Variants in EYS observed in about 807,000 individuals in gnomAD.
EYS encodes protein eyes shut homolog.
In EYS, 250 loss-of-function variants were observed where a neutral mutation model predicts 282.1. That is an observed-to-expected ratio of 0.89 (90% CI 0.80 to 0.98). The LOEUF (loss-of-function observed/expected upper bound fraction) is 0.98, where lower values mean the gene tolerates loss of function less well. EYS is among the 50% of genes least tolerant of loss of function. The pLI, the probability that EYS is intolerant of heterozygous loss-of-function variation, is 0.00. For missense variants in EYS, 4,016 were observed against 3,709.0 expected (o/e 1.08, Z -2.15); for synonymous variants, 1,355 against 1,282.9 (o/e 1.06, Z -1.20).
At chr6:64,287,324 A>T (rs1768536515) in intron 30 of EYS, among the ~76,000 whole-genome samples, 1 of 152,180 alleles carries the variant, frequency 6.6e-6, no homozygotes, top group Admixed American at 6.6e-5. Flanking sequence ...ATTTTCACAC[A>T]TATAAAGTTT....
chr6:64,890,045 G>GCCCA (rs1767230469), intron 18 of EYS, among the ~76,000 whole-genome samples: 1 of 140,468 alleles, frequency 7.1e-6, no homozygotes, highest in African/African-American at 2.9e-5. Context: ...GCCTATAAAT[G>GCCCA]CCCCCCCCCC....
intron 32 of EYS, among the ~76,000 whole-genome samples, chr6:64,070,335 A>G (rs1332695195): frequency 6.6e-6 from 1 of 152,176 alleles, no homozygotes; most frequent in Non-Finnish European, 1.5e-5. Context: ...CAGATATGAC[A>G]CATTTATTGT....
rs1340964743 is a variant in EYS at position 65,238,939 on chromosome 6, T to C, written c.2023+56924A>G. Among the ~76,000 whole-genome samples, 3 of 152,148 alleles carry C rather than the reference T, an allele frequency of 2.0e-5. No individual in the cohort carries two copies. The South Asian group carries it at 6.2e-4, about 32-fold the overall frequency. On this transcript the variant is annotated intron_variant, in intron 12 of 42. Transcript: ENST00000503581. The stretch of plus-strand genomic sequence containing the variant: ...AAAATTACAATCATATTAATATGCT[T>C]AAAAAAGTTATTGGAAGAATGATAG...
At chr6:63,859,615 C>T (rs1213810748) in intron 36 of EYS, among the ~76,000 whole-genome samples, 1 of 135,314 alleles carries the variant, frequency 7.4e-6, no homozygotes, top group East Asian at 2.1e-4. Flanking sequence ...ATTAAGAGAA[C>T]ATTCTAATAA....
chr6:64,307,176 G>T, intron 29 of EYS, 94 bp from the exon 30 acceptor site: 1 of 612,628 alleles, frequency 1.6e-6, no homozygotes, highest in South Asian at 2.1e-5. Flanking sequence ...GTATGCAACT[G>T]GATTTGGAGG....
At position 63,721,366 on chromosome 6, in the gene EYS, C is replaced by T. The variant is rs1390399761; in HGVS notation, c.8665G>A (p.Glu2889Lys). 6.4e-7 allele frequency: 1 copy of T among 1,551,858 alleles called. No individual in the cohort carries two copies. Among genetic ancestry groups the T allele is most frequent in the East Asian group, 2.4e-5 (1 of 40,920 alleles). ...CGYNTCRNGG[E>K]CTVNGTTFSC... ...AAAGTTGTGCCATTTACTGTACATT[C>T]ACCTCCATTTCTGCATGTGTTGTAC... Residue 2889 changes from glutamate (E) to lysine (K), a missense_variant, in exon 43 of 43, where the codon GAA becomes AAA. By Grantham distance (56) the Glu-to-Lys change is moderately conservative. Coordinates refer to ENST00000503581, the MANE Select transcript of EYS (RefSeq NM_001142800.2).
In EYS at chr6:65,687,628, G is replaced by C. The variant is rs548592717; in HGVS notation, c.-448+19507C>G. ...AATAAAGGGCATTCAATTAGGAAAA[G>C]AGGAAGTCAAATTGTCCCTGTTTGC... On this transcript the variant is annotated intron_variant, in intron 1 of 42. Transcript: ENST00000503581. Among the ~76,000 whole-genome samples, 48 of 152,278 alleles carry C rather than the reference G, an allele frequency of 3.2e-4. 1 individual carries two copies. In the South Asian group the frequency reaches 5.4e-3, roughly 17 times the overall value.
chr6:65,437,510 G>T (rs989862356), intron 5 of EYS, among the ~76,000 whole-genome samples: 6 of 152,048 alleles, frequency 3.9e-5, no homozygotes, highest in African/African-American at 1.4e-4. Context: ...AGAAAATAAA[G>T]ATACTAATTT....
chr6:65,620,354 A>T (rs992812478), intron 2 of EYS, among the ~76,000 whole-genome samples: 1 of 152,130 alleles, frequency 6.6e-6, no homozygotes, highest in Non-Finnish European at 1.5e-5. Context: ...AGGTGTTTGT[A>T]GTATTCTCTG....
At chr6:64,716,381 CATGCACCTCCTGAAAAAT>C (rs1313095350) in intron 22 of EYS, among the ~76,000 whole-genome samples, 1 of 152,214 alleles carries the variant, frequency 6.6e-6, no homozygotes, top group African/African-American at 2.4e-5. Flanking sequence ...AACATGTGTT[CATGCACCTCCTGAAAAAT>C]ATGTTGCATA....
intron 35 of EYS, among the ~76,000 whole-genome samples, chr6:63,883,161 A>T (rs1287345651): frequency 6.6e-6 from 1 of 152,190 alleles, no homozygotes; most frequent in East Asian, 1.9e-4. Flanking sequence ...TATGGAACCA[A>T]ATTTTGGAAG....
intron 26 of EYS, among the ~76,000 whole-genome samples, chr6:64,544,531 G>A (rs1764789372): frequency 6.6e-6 from 1 of 152,052 alleles, no homozygotes; most frequent in African/African-American, 2.4e-5. Flanking sequence ...GAGACATGGA[G>A]GACATGTAGT....
rs146623990 is a variant in EYS at position 65,693,003 on chromosome 6, A to G, written c.-448+14132T>C. Among the ~76,000 whole-genome samples, 208 of 150,138 alleles carry G rather than the reference A, an allele frequency of 1.4e-3. 9 individuals carry two copies. The highest frequency in any genetic ancestry group is 4.9e-3 in the African/African-American group (204 of 41,320). On this transcript the variant is annotated intron_variant, in intron 1 of 42. Coordinates refer to ENST00000503581, the MANE Select transcript of EYS (RefSeq NM_001142800.2). ...ATGCTCAGACATCTATTAAGCAAAT[A>G]AATAAATAAATACCATACACTTCAA...
rs111949042 is a variant in EYS at position 64,599,958 on chromosome 6, C to A, written c.3685-6649G>T. Among the ~76,000 whole-genome samples, 60 of 152,226 alleles carry A rather than the reference C, an allele frequency of 3.9e-4. No homozygotes were observed. The Middle Eastern group carries it at 0.01, about 26-fold the overall frequency. Reference sequence around the variant, plus strand: ...ATCATCACAAACCATGTTTTAAGATCTGGGCAAAACAGTTTCTATTATCTC... The same window carrying A: ...ATCATCACAAACCATGTTTTAAGATATGGGCAAAACAGTTTCTATTATCTC... On this transcript the variant is annotated intron_variant, in intron 24 of 42. Transcript: ENST00000503581.
chr6:64,499,868 C>T (rs72872787), intron 26 of EYS, among the ~76,000 whole-genome samples: 4 of 152,080 alleles, frequency 2.6e-5, no homozygotes, highest in Non-Finnish European at 5.9e-5. Context: ...TTCTGCTTAA[C>T]TCTGAAATGC....
rs540097454 is a variant in EYS at position 64,267,589 on chromosome 6, A to C, written c.6192-36765T>G. 5.3e-5 allele frequency among the ~76,000 whole-genome samples: 8 copies of C among 152,306 alleles called. No individual in the cohort carries two copies. The East Asian group carries it at 1.5e-3, about 29-fold the overall frequency. ...TACAATAAAATCATAATGGCACAGA[A>C]AGACCATATAGACATTAAAAATCTT... On this transcript the variant is annotated intron_variant, in intron 30 of 42. Coordinates refer to ENST00000503581, the MANE Select transcript of EYS (RefSeq NM_001142800.2).
intron 33 of EYS, among the ~76,000 whole-genome samples, chr6:64,009,285 ATT>A (rs35899013): frequency 8.6e-5 from 12 of 139,504 alleles, no homozygotes; most frequent in Non-Finnish European, 7.9e-5. Context: ...GAAATTCTCG[ATT>A]TTTTTTTTTT....
chr6:65,534,438 C>A (rs1240953032), intron 2 of EYS, among the ~76,000 whole-genome samples: 1 of 152,090 alleles, frequency 6.6e-6, no homozygotes, highest in Non-Finnish European at 1.5e-5. Flanking sequence ...AAAGGGGTGA[C>A]TATGAGCCGG....
chr6:65,152,294 T>C (rs1764631598), intron 12 of EYS, among the ~76,000 whole-genome samples: 1 of 152,042 alleles, frequency 6.6e-6, no homozygotes, highest in Non-Finnish European at 1.5e-5. Flanking sequence ...ACACCTAGTG[T>C]TATGAGAGGA....
Sources: gnomAD v4.1 joint callset for allele counts (sites outside exome capture counted in the v4.1 genomes callset) on GRCh38, gnomAD v4.1.1 for gene constraint, MANE v1.5 for transcripts, NCBI Gene and HGNC (gene_info 2026-07-23, HGNC 2026-07-21) for gene names.